Variants in CDH12 observed in about 807,000 individuals in gnomAD.
CDH12 encodes cadherin 12, also known as cadherin-12.
Under a neutral mutation model 74.1 loss-of-function variants are expected in CDH12, and 41 were observed. The observed-to-expected ratio is 0.55, with a 90% CI of 0.43 to 0.72. CDH12 has a LOEUF of 0.72. CDH12 is among the 30% of genes least tolerant of loss of function. The pLI is 0.00. For synonymous variants in CDH12, 399 were observed against 355.0 expected, an observed-to-expected ratio of 1.12 and a Z score of -1.39; for missense variants, 945 against 977.2, an observed-to-expected ratio of 0.97 and a Z score of 0.44.
chr5:22,607,132 G>A (rs955289094), intron 1 of CDH12, among the ~76,000 whole-genome samples: 2 of 152,140 alleles, frequency 1.3e-5, no homozygotes, highest in African/African-American at 4.8e-5. Flanking sequence ...GAGCATAAAC[G>A]TTTGGAAAAT....
intron 6 of CDH12, among the ~76,000 whole-genome samples, chr5:21,861,911 T>TG (rs1469494957): frequency 6.6e-6 from 1 of 151,754 alleles, no homozygotes; most frequent in Non-Finnish European, 1.5e-5. Context: ...TGTGTGTGTG[T>TG]GTGTGTGTGT....
chr5:21,964,227 G>T (rs1756486474), intron 6 of CDH12, among the ~76,000 whole-genome samples: 1 of 152,036 alleles, frequency 6.6e-6, no homozygotes, highest in African/African-American at 2.4e-5. Flanking sequence ...GGAGAAAAAT[G>T]GCTGGCGCTT....
At chr5:22,733,275 T>G (rs1744523087) in intron 1 of CDH12, among the ~76,000 whole-genome samples, 1 of 151,932 alleles carries the variant, frequency 6.6e-6, no homozygotes, top group South Asian at 2.1e-4. Flanking sequence ...TTAAATATTT[T>G]TAAAAATAAA....
At chr5:21,812,927 G>A (rs949792700) in intron 9 of CDH12, among the ~76,000 whole-genome samples, 5 of 152,108 alleles carry the variant, frequency 3.3e-5, no homozygotes, top group African/African-American at 1.2e-4. Context: ...AAATCCATGT[G>A]TTTTATTAGG....
intron 1 of CDH12, among the ~76,000 whole-genome samples, chr5:22,656,774 C>T (rs1165869786): frequency 6.6e-6 from 1 of 151,994 alleles, no homozygotes; most frequent in Non-Finnish European, 1.5e-5. Flanking sequence ...AAACTAGAAA[C>T]AATAAAAAAT....
intron 4 of CDH12, among the ~76,000 whole-genome samples, chr5:22,090,461 ATAAT>A (rs1378005086): frequency 6.0e-5 from 9 of 151,192 alleles, no homozygotes; most frequent in African/African-American, 2.2e-4. Flanking sequence ...CATTTCAATA[ATAAT>A]TAATATAAAA....
At chr5:22,142,388 C>A (rs891359080) in intron 4 of CDH12, 2 of 506,814 alleles carry the variant, frequency 3.9e-6, no homozygotes, top group South Asian at 1.7e-5. Context: ...GTCACAAAAA[C>A]CAAAGAAAAA....
intron 1 of CDH12, among the ~76,000 whole-genome samples, chr5:22,722,508 A>G (rs1328857505): frequency 2.0e-5 from 3 of 152,256 alleles, no homozygotes; most frequent in African/African-American, 7.2e-5. Context: ...ATGATAAATA[A>G]CTATGATAAA....
At chr5:22,664,749 G>A (rs956531446) in intron 1 of CDH12, among the ~76,000 whole-genome samples, 14 of 152,002 alleles carry the variant, frequency 9.2e-5, no homozygotes, top group Non-Finnish European at 1.2e-4. Context: ...ATCAAGTAAC[G>A]GACAGGTTAA....
intron 4 of CDH12, among the ~76,000 whole-genome samples, chr5:22,089,612 G>A (rs1234131842): frequency 6.6e-6 from 1 of 152,034 alleles, no homozygotes; most frequent in Non-Finnish European, 1.5e-5. Flanking sequence ...TTTACTAGAG[G>A]AGCTCAACAC....
intron 7 of CDH12, among the ~76,000 whole-genome samples, chr5:21,842,886 C>T (rs1335498454): frequency 2.0e-5 from 3 of 152,100 alleles, no homozygotes; most frequent in Non-Finnish European, 4.4e-5. Context: ...CACTAAGTTT[C>T]TCCAGCAGCC....
intron 6 of CDH12, among the ~76,000 whole-genome samples, chr5:21,925,638 T>C (rs1294990030): frequency 6.6e-6 from 1 of 152,226 alleles, no homozygotes; most frequent in African/African-American, 2.4e-5. Context: ...TTGGTTATTT[T>C]TCATTTTGCT....
At chr5:21,984,852 A>G (rs966749075) in intron 5 of CDH12, among the ~76,000 whole-genome samples, 1 of 152,208 alleles carries the variant, frequency 6.6e-6, no homozygotes, top group African/African-American at 2.4e-5. Context: ...ACTTTCATAT[A>G]TGGATGATTT....
At chr5:22,583,901 C>G (rs1205022847) in intron 1 of CDH12, among the ~76,000 whole-genome samples, 1 of 151,966 alleles carries the variant, frequency 6.6e-6, no homozygotes, top group Non-Finnish European at 1.5e-5. Context: ...CTATGATTAG[C>G]TCCTATAAAA....
chr5:21,919,665 T>A (rs771231482), intron 6 of CDH12, among the ~76,000 whole-genome samples: 7 of 152,184 alleles, frequency 4.6e-5, no homozygotes, highest in Non-Finnish European at 1.0e-4. Flanking sequence ...ATAGACTTGA[T>A]TCCCGGAGAA....
chr5:21,898,375 C>T (rs1007664605), intron 6 of CDH12, among the ~76,000 whole-genome samples: 6 of 151,976 alleles, frequency 3.9e-5, no homozygotes, highest in South Asian at 2.1e-4. Context: ...AGGCATGTAC[C>T]GCTGCACTCA....
At chr5:22,248,062 C>T (rs1486198549) in intron 3 of CDH12, among the ~76,000 whole-genome samples, 2 of 152,074 alleles carry the variant, frequency 1.3e-5, no homozygotes, top group Admixed American at 1.3e-4. Context: ...TTTGGGAGGC[C>T]GAGGTTTGTG....
intron 1 of CDH12, among the ~76,000 whole-genome samples, chr5:22,562,754 T>C (rs1035633558): frequency 6.6e-6 from 1 of 151,490 alleles, no homozygotes; most frequent in African/African-American, 2.4e-5. Context: ...ACAAAAAACT[T>C]GACCTTGGAA....
intron 1 of CDH12, among the ~76,000 whole-genome samples, chr5:22,725,587 C>T (rs1744122418): frequency 9.7e-6 from 1 of 102,690 alleles, no homozygotes; most frequent in Admixed American, 1.0e-4. Context: ...GCAGGTCCTT[C>T]AAGCCATTTT....
Sources: gnomAD v4.1 joint callset for allele counts (sites outside exome capture counted in the v4.1 genomes callset) on GRCh38, gnomAD v4.1.1 for gene constraint, MANE v1.5 for transcripts, NCBI Gene and HGNC (gene_info 2026-07-23, HGNC 2026-07-21) for gene names.